LGR4: variants seen among roughly 807,000 people sequenced by gnomAD.
LGR4 encodes leucine-rich repeat-containing G protein-coupled receptor 4.
A neutral mutation model predicts 84.8 loss-of-function variants in LGR4; 44 were observed. The observed-to-expected ratio is 0.52, with a 90% CI of 0.41 to 0.67. The LOEUF (loss-of-function observed/expected upper bound fraction) is 0.67. Among genes scored for constraint, LGR4 ranks in the 30% least tolerant of loss-of-function variants. LGR4 has a pLI of 0.00. For synonymous variants in LGR4, 429 were observed against 434.3 expected, an observed-to-expected ratio of 0.99 and a Z score of 0.15; for missense variants, 1,032 against 1,131.4, an observed-to-expected ratio of 0.91 and a Z score of 1.26.
intron 2 of LGR4, among the ~76,000 whole-genome samples, chr11:27,410,842 C>A (rs1176391625): frequency 6.6e-6 from 1 of 151,956 alleles, no homozygotes; most frequent in Non-Finnish European, 1.5e-5. Context: ...GAGAATATGA[C>A]CTTGCTACAA....
chr11:27,463,939 C>T (rs141972576), intron 1 of LGR4, among the ~76,000 whole-genome samples: 32 of 152,268 alleles, frequency 2.1e-4, no homozygotes, highest in African/African-American at 7.5e-4. Flanking sequence ...TGAAGGGCAA[C>T]TGAAGAGCAA....
chr11:27,440,095 G>A (rs576534364), intron 1 of LGR4, among the ~76,000 whole-genome samples: 11 of 152,070 alleles, frequency 7.2e-5, no homozygotes, highest in Admixed American at 1.3e-4. Flanking sequence ...TAGTAGAGAC[G>A]TGGTTTCACC....
At position 27,367,199 on chromosome 11, in the gene LGR4, T is replaced by C. The variant is rs1862781037; in HGVS notation, c.*668A>G. The C allele has an allele frequency of 1.3e-5, 2 of 152,208 alleles. No individual in the cohort carries two copies. Among genetic ancestry groups the C allele is most frequent in the Admixed American group, 1.3e-4 (2 of 15,290 alleles). The allele number at this position is 152,208 out of a possible 1,614,324, so 9.4% of individuals were successfully genotyped here. A position where few individuals can be genotyped will look rare whatever the true frequency, so the allele number is the denominator to read the frequency against. On this transcript the variant is annotated 3_prime_UTR_variant, in exon 18 of 18. Coordinates refer to ENST00000379214, the MANE Select transcript of LGR4 (RefSeq NM_018490.5). ...AAAATTACTGATTGGACCAAAGCAA[T>C]GTATAATGACTGAAAACAAATGTCC...
At chr11:27,471,891 A>C in intron 1 of LGR4, 1 of 331,166 alleles carries the variant, frequency 3.0e-6, no homozygotes. Flanking sequence ...AAGTCTGGGA[A>C]CGAAAGCTAC....
At chr11:27,412,747 G>C (rs773608560) in intron 2 of LGR4, 42 bp downstream of exon 2, 2 of 1,168,368 alleles carry the variant, frequency 1.7e-6, no homozygotes, top group Non-Finnish European at 2.6e-6. Context: ...AAATGAATTG[G>C]GGAAAAAGAC....
chr11:27,367,826 T>C lies in LGR4; in HGVS notation c.*41A>G, dbSNP rs775429782. 6.9e-7 allele frequency: 1 copy of C among 1,440,432 alleles called. No homozygotes were observed. 89.2% of individuals were successfully genotyped at this position (1,440,432 alleles called of 1,614,324 possible). A position where few individuals can be genotyped will look rare whatever the true frequency, so the allele number is the denominator to read the frequency against. ...AGAATAGGGTTCACTCTATAAACAC[T>C]GATTTTGGTTGACGGGGGAAACGGT... On this transcript the variant is annotated 3_prime_UTR_variant, in exon 18 of 18. Coordinates refer to ENST00000379214, the MANE Select transcript of LGR4 (RefSeq NM_018490.5).
At chr11:27,457,058 T>C (rs1012993948) in intron 1 of LGR4, among the ~76,000 whole-genome samples, 5 of 152,186 alleles carry the variant, frequency 3.3e-5, no homozygotes, top group African/African-American at 1.2e-4. Context: ...ATGAGCAAAC[T>C]TAAATATGGA....
rs371950786 is a variant in LGR4, at chr11:27,369,120, A to G, written c.1603T>C (p.Leu535=). ...STGAFKPCEY[L]LGSWMIRLTV... is the part of the protein sequence containing the mutation. ...AGACGAATCATCCAGCTTCCCAGTAAATATTCACAGGGCTTAAAAGCACCT... is the reference window on the plus strand; with the variant it reads ...AGACGAATCATCCAGCTTCCCAGTAGATATTCACAGGGCTTAAAAGCACCT... The change falls in exon 18 of 18, where the codon TTA becomes CTA. Residue 535 remains leucine, a synonymous_variant. Coordinates refer to ENST00000379214, the MANE Select transcript of LGR4 (RefSeq NM_018490.5). 11 of 1,608,544 alleles carry G rather than the reference A, an allele frequency of 6.8e-6. No homozygotes were observed. In the African/African-American group the frequency reaches 1.5e-4, roughly 21 times the overall value.
intron 1 of LGR4, among the ~76,000 whole-genome samples, chr11:27,440,509 A>C (rs560927671): frequency 6.6e-6 from 1 of 152,308 alleles, no homozygotes; most frequent in Admixed American, 6.5e-5. Flanking sequence ...TACCACTGTT[A>C]AGGTGACTTT....
chr11:27,447,954 C>A (rs1337496801), intron 1 of LGR4, among the ~76,000 whole-genome samples: 1 of 152,128 alleles, frequency 6.6e-6, no homozygotes. Flanking sequence ...CTTCAATGAA[C>A]CTTATAATTC....
intron 1 of LGR4, among the ~76,000 whole-genome samples, chr11:27,419,209 TATAATC>T (rs1400266207): frequency 2.0e-5 from 3 of 152,150 alleles, no homozygotes; most frequent in African/African-American, 7.2e-5. Flanking sequence ...AAAGAACTCT[TATAATC>T]AATAATAAGA....
chr11:27,456,352 C>T (rs558910947), intron 1 of LGR4, among the ~76,000 whole-genome samples: 2 of 152,236 alleles, frequency 1.3e-5, no homozygotes, highest in South Asian at 4.1e-4. Context: ...AGAGTACCAA[C>T]TAAATTAATA....
chr11:27,380,311 G>T lies in LGR4; in HGVS notation c.931C>A (p.Gln311Lys). Residue 311 changes from glutamine (Q) to lysine (K), a missense_variant, in exon 10 of 18, where the codon CAG (glutamine) becomes AAG (lysine). By Grantham distance (53) the Gln-to-Lys change is moderately conservative (BLOSUM62 1). Transcript: ENST00000379214. ...LVIRGASMVQ[Q>K]FPNLTGTVHL... ...ACAGTTCCTGTAAGATTGGGGAACT[G>T]CTGCACCATGCTTGCACCACGAATG... 6.2e-7 allele frequency: 1 copy of T among 1,611,526 alleles called. No individual in the cohort carries two copies. The highest frequency in any genetic ancestry group is 8.5e-7 in the Non-Finnish European group (1 of 1,178,650).
chr11:27,399,311 C>T (rs1863453279), intron 2 of LGR4, among the ~76,000 whole-genome samples: 1 of 152,044 alleles, frequency 6.6e-6, no homozygotes, highest in South Asian at 2.1e-4. Context: ...CCTGGGATGC[C>T]ATTCTATTCC....
At chr11:27,407,080 T>C (rs1343692585) in intron 2 of LGR4, among the ~76,000 whole-genome samples, 1 of 152,180 alleles carries the variant, frequency 6.6e-6, no homozygotes, top group African/African-American at 2.4e-5. Context: ...CTGGCTTAGT[T>C]ACATACTAAC....
chr11:27,455,606 A>G (rs1489702029), intron 1 of LGR4, among the ~76,000 whole-genome samples: 1 of 152,204 alleles, frequency 6.6e-6, no homozygotes, highest in East Asian at 1.9e-4. Context: ...TCCTTTCCAA[A>G]TCTACATTCT....
intron 1 of LGR4, among the ~76,000 whole-genome samples, chr11:27,417,920 GCAGCCCATA>G (rs1863850554): frequency 6.6e-6 from 1 of 152,126 alleles, no homozygotes; most frequent in Non-Finnish European, 1.5e-5. Context: ...GCTATTTTTA[GCAGCCCATA>G]CATCATGGGA....
At chr11:27,453,559 T>C (rs1218994339) in intron 1 of LGR4, among the ~76,000 whole-genome samples, 1 of 152,156 alleles carries the variant, frequency 6.6e-6, no homozygotes, top group African/African-American at 2.4e-5. Context: ...TTATATTCAT[T>C]GTGCTTATTT....
At chr11:27,462,535 T>C (rs1864701201) in intron 1 of LGR4, among the ~76,000 whole-genome samples, 1 of 152,200 alleles carries the variant, frequency 6.6e-6, no homozygotes, top group African/African-American at 2.4e-5. Context: ...GAGTAGCCTT[T>C]TTCCATTAGC....
Sources: allele counts gnomAD v4.1 joint callset (sites outside exome capture counted in the v4.1 genomes callset), GRCh38; gene constraint gnomAD v4.1.1; transcripts MANE v1.5; gene names NCBI Gene and HGNC (gene_info 2026-07-23, HGNC 2026-07-21).